Variants in AOAH observed in about 807,000 individuals in gnomAD.
The protein encoded by AOAH is acyloxyacyl hydrolase (neutrophil).
AOAH carries 64 observed loss-of-function variants against 92.2 expected under a neutral mutation model. The observed-to-expected ratio is 0.69, with a 90% CI of 0.57 to 0.86. AOAH has a LOEUF of 0.86. Among genes scored for constraint, AOAH ranks in the 40% least tolerant of loss-of-function variants. AOAH has a pLI of 0.00. For missense variants in AOAH, 656 were observed against 694.6 expected (o/e 0.94, Z 0.62); for synonymous variants, 263 against 254.5 (o/e 1.03, Z -0.32).
chr7:36,686,995 T>C (rs947158462), intron 1 of AOAH, among the ~76,000 whole-genome samples: 2 of 152,142 alleles, frequency 1.3e-5, no homozygotes, highest in African/African-American at 4.8e-5. Flanking sequence ...GCTCAATAGA[T>C]ATTAGCTTCT....
intron 20 of AOAH, among the ~76,000 whole-genome samples, chr7:36,518,655 T>C (rs540570101): frequency 6.6e-6 from 1 of 152,380 alleles, no homozygotes; most frequent in Non-Finnish European, 1.5e-5. Flanking sequence ...TTCTGGTTAA[T>C]AGAGGTTCTT....
At chr7:36,617,785 G>A (rs1043603189) in intron 10 of AOAH, among the ~76,000 whole-genome samples, 3 of 152,218 alleles carry the variant, frequency 2.0e-5, no homozygotes, top group African/African-American at 7.2e-5. Flanking sequence ...AGAGCACAGA[G>A]CTTTTGCCCA....
At chr7:36,611,348 C>T (rs900413182) in intron 11 of AOAH, among the ~76,000 whole-genome samples, 2 of 152,208 alleles carry the variant, frequency 1.3e-5, no homozygotes, top group South Asian at 4.1e-4. Context: ...TTCTCATCAG[C>T]CCATTCTCAC....
intron 13 of AOAH, among the ~76,000 whole-genome samples, chr7:36,567,155 G>A (rs752379573): frequency 1.3e-5 from 2 of 152,090 alleles, no homozygotes; most frequent in African/African-American, 2.4e-5. Context: ...GCTCTAAAAC[G>A]TGTCTCTTTC....
At chr7:36,524,731 CG>C (rs1366920439) in intron 19 of AOAH, among the ~76,000 whole-genome samples, 1 of 151,258 alleles carries the variant, frequency 6.6e-6, no homozygotes, top group Non-Finnish European at 1.5e-5. Flanking sequence ...CCAGAGGGCT[CG>C]CTCACTCTTT....
rs572009415 is a variant in AOAH at position 36,714,779 on chromosome 7, G to C, written c.127+9243C>G. ...AAGGCCTTTGACAAAATTCAACAACGCTTCATGCTAAAATCTCTCAATAAA... is the reference window on the plus strand; with the variant it reads ...AAGGCCTTTGACAAAATTCAACAACCCTTCATGCTAAAATCTCTCAATAAA... On this transcript the variant is annotated intron_variant, in intron 1 of 20. Transcript: ENST00000617537. 2.6e-3 allele frequency among the ~76,000 whole-genome samples: 394 copies of C among 152,084 alleles called. 1 individual carries two copies. The highest frequency in any genetic ancestry group is 9.7e-3 in the South Asian group (47 of 4,824).
intron 4 of AOAH, among the ~76,000 whole-genome samples, chr7:36,641,575 C>G (rs1793921462): frequency 6.6e-6 from 1 of 152,148 alleles, no homozygotes; most frequent in Non-Finnish European, 1.5e-5. Context: ...TCAGATATTT[C>G]CTTTGAAAGC....
intron 13 of AOAH, among the ~76,000 whole-genome samples, chr7:36,558,961 G>A (rs1049785645): frequency 2.0e-5 from 3 of 152,228 alleles, no homozygotes; most frequent in East Asian, 1.9e-4. Flanking sequence ...GTTTTGGCTC[G>A]CACATGGTGC....
At chr7:36,721,421 C>T (rs981206944) in intron 1 of AOAH, among the ~76,000 whole-genome samples, 1 of 152,152 alleles carries the variant, frequency 6.6e-6, no homozygotes, top group African/African-American at 2.4e-5. Context: ...AACTCCCCTG[C>T]ACACACATTT....
chr7:36,591,540 G>A (rs1177835308), intron 12 of AOAH, among the ~76,000 whole-genome samples: 2 of 152,306 alleles, frequency 1.3e-5, no homozygotes, highest in South Asian at 2.1e-4. Context: ...ATGTCTGAAG[G>A]CTCTCAACTT....
At chr7:36,603,702 G>A (rs1404852207) in intron 11 of AOAH, among the ~76,000 whole-genome samples, 1 of 152,172 alleles carries the variant, frequency 6.6e-6, no homozygotes, top group Non-Finnish European at 1.5e-5. Flanking sequence ...AAAGCAGGGA[G>A]GGCAGTGTCT....
intron 6 of AOAH, among the ~76,000 whole-genome samples, chr7:36,625,349 A>G (rs1792578435): frequency 6.6e-6 from 1 of 152,190 alleles, no homozygotes; most frequent in Admixed American, 6.5e-5. Flanking sequence ...CCAGCTCGGC[A>G]ATTCTCAGAA....
Position 36,724,109 on chromosome 7 carries a change from A to C in AOAH, c.40T>G (p.Phe14Val). 1 of 1,613,668 alleles carries C rather than the reference A, an allele frequency of 6.2e-7. No homozygotes were observed. The highest frequency in any genetic ancestry group is 1.1e-5 in the South Asian group (1 of 91,072). Residue 14 changes from phenylalanine to valine, a missense_variant, in exon 1 of 21, where the codon TTC becomes GTC. Phe to Val is a conservative substitution (Grantham distance 50). Coordinates refer to ENST00000617537, the MANE Select transcript of AOAH (RefSeq NM_001637.4). Reference sequence around the variant, plus strand: ...GAGGACTGAAGAGACAGGAGCAAGAATAGAGGCGCCACCGTAAGGATTTTC... The same window carrying C: ...GAGGACTGAAGAGACAGGAGCAAGACTAGAGGCGCCACCGTAAGGATTTTC... The part of the protein sequence containing the change: ...PWKILTVAPL[F>V]LLLSLQSSAS...
intron 1 of AOAH, among the ~76,000 whole-genome samples, chr7:36,719,124 T>A (rs1236583264): frequency 6.6e-6 from 1 of 152,198 alleles, no homozygotes; most frequent in Non-Finnish European, 1.5e-5. Context: ...ACAAGGATAA[T>A]GATAATACAG....
At chr7:36,678,792 C>T (rs1159039969) in intron 2 of AOAH, among the ~76,000 whole-genome samples, 2 of 152,056 alleles carry the variant, frequency 1.3e-5, no homozygotes, top group East Asian at 1.9e-4. Flanking sequence ...GAGAGCAATC[C>T]GTAAGGGTAC....
chr7:36,709,188 CT>C (rs1798612098), intron 1 of AOAH, among the ~76,000 whole-genome samples: 1 of 152,152 alleles, frequency 6.6e-6, no homozygotes, highest in Non-Finnish European at 1.5e-5. Flanking sequence ...GCTAGCAAAG[CT>C]GTAGGTTCTG....
intron 1 of AOAH, 23 bp downstream of exon 1, chr7:36,723,999 T>C (rs753634215): frequency 5.0e-6 from 8 of 1,608,428 alleles, no homozygotes; most frequent in South Asian, 1.1e-5. Flanking sequence ...ACATAGAAAA[T>C]ACAAAAATAT....
chr7:36,614,561 T>C lies in AOAH; in HGVS notation c.846+1819A>G, dbSNP rs1439815491. Among the ~76,000 whole-genome samples the C allele has an allele frequency of 6.6e-6, 1 of 152,212 alleles. No homozygotes were observed. Among genetic ancestry groups the C allele is most frequent in the Non-Finnish European group, 1.5e-5 (1 of 68,032 alleles). On this transcript the variant is annotated intron_variant, in intron 11 of 20. Coordinates refer to ENST00000617537, the MANE Select transcript of AOAH (RefSeq NM_001637.4). This position sits in a 1 kb window ranked among gnomAD's most constrained non-coding sequence, Gnocchi z 4.2. The stretch of plus-strand genomic sequence containing the variant: ...CCTGCCACCTCTCAAGATGGGTTCC[T>C]GGCCACTCACTCCCCAGCCTGTCTT...
intron 6 of AOAH, among the ~76,000 whole-genome samples, chr7:36,629,052 C>T (rs1792875808): frequency 6.6e-6 from 1 of 152,194 alleles, no homozygotes; most frequent in African/African-American, 2.4e-5. Context: ...GGTGCATAGA[C>T]AGCACCAGAT....
Sources: gnomAD v4.1 joint callset for allele counts (sites outside exome capture counted in the v4.1 genomes callset) on GRCh38, gnomAD v4.1.1 for gene constraint, Gnocchi (gnomAD v3.1) non-coding constraint, MANE v1.5 for transcripts, NCBI Gene and HGNC (gene_info 2026-07-23, HGNC 2026-07-21) for gene names.